Variants in WWC1 observed in about 807,000 individuals in gnomAD.
The protein encoded by WWC1 is WW and C2 domain containing 1.
In WWC1, 55 loss-of-function variants were observed where a neutral mutation model predicts 138.4. The ratio of observed to expected loss-of-function variants is 0.40; its 90% CI spans 0.32 to 0.50. The LOEUF (loss-of-function observed/expected upper bound fraction) is 0.50. Ranked by LOEUF, WWC1 falls within the 20% of genes least tolerant of loss-of-function variation. The pLI is 0.72. For synonymous variants in WWC1, 524 were observed against 564.9 expected, an observed-to-expected ratio of 0.93 and a Z score of 1.03; for missense variants, 1,226 against 1,420.4, an observed-to-expected ratio of 0.86 and a Z score of 2.20.
Position 168,399,606 on chromosome 5 carries a change from C to A in WWC1, c.590+39C>A, listed in dbSNP as rs951204721. ...GCATCCCAGAGCATGGGGGCTGCTC[C>A]CCACCCTGGTTCCCCTCCTGTCCTC... On this transcript the variant is annotated intron_variant, in intron 5 of 22. Coordinates refer to ENST00000265293, the MANE Select transcript of WWC1 (RefSeq NM_015238.3). 7 of 1,603,842 alleles carry A rather than the reference C, an allele frequency of 4.4e-6. No individual in the cohort carries two copies. In the African/African-American group the frequency reaches 8.0e-5, roughly 18 times the overall value.
chr5:168,449,605 C>T (rs1017426047), intron 17 of WWC1, among the ~76,000 whole-genome samples: 11 of 123,858 alleles, frequency 8.9e-5, no homozygotes, highest in Non-Finnish European at 1.5e-4. Flanking sequence ...GACAGTTTCA[C>T]TCTTGTTGCC....
At chr5:168,445,270 C>T (rs573905612) in intron 17 of WWC1, among the ~76,000 whole-genome samples, 1 of 152,072 alleles carries the variant, frequency 6.6e-6, no homozygotes, top group East Asian at 1.9e-4. Context: ...GCCGAGATTG[C>T]ACCACTGCAC....
intron 5 of WWC1, among the ~76,000 whole-genome samples, chr5:168,404,163 G>A (rs1266767037): frequency 6.6e-6 from 1 of 152,130 alleles, no homozygotes; most frequent in Non-Finnish European, 1.5e-5. Flanking sequence ...TTGCCCTGTT[G>A]GCAGAGGACA....
At chr5:168,417,348 ATTG>A (rs1780738634) in intron 9 of WWC1, among the ~76,000 whole-genome samples, 2 of 152,182 alleles carry the variant, frequency 1.3e-5, no homozygotes, top group Admixed American at 6.5e-5. Context: ...CTTCTGTAAA[ATTG>A]TTGGTTTCTT....
intron 2 of WWC1, among the ~76,000 whole-genome samples, chr5:168,381,255 T>G (rs540898176): frequency 6.6e-6 from 1 of 152,166 alleles, no homozygotes; most frequent in South Asian, 2.1e-4. Context: ...TCATATACCT[T>G]TATAGTTTTA....
chr5:168,353,452 G>A (rs1475167595), intron 1 of WWC1, among the ~76,000 whole-genome samples: 1 of 152,224 alleles, frequency 6.6e-6, no homozygotes, highest in Non-Finnish European at 1.5e-5. Context: ...CCTGGCATCA[G>A]CCACTCCTGG....
intron 1 of WWC1, among the ~76,000 whole-genome samples, chr5:168,313,257 C>T (rs538520840): frequency 2.0e-5 from 3 of 152,110 alleles, no homozygotes; most frequent in East Asian, 1.9e-4. Flanking sequence ...AAGTGTGGGC[C>T]GTGGACCAGC....
intron 7 of WWC1, 104 bp from the exon 8 acceptor site, chr5:168,409,818 G>A: frequency 2.5e-6 from 3 of 1,200,444 alleles, no homozygotes; most frequent in Non-Finnish European, 3.7e-6. Flanking sequence ...GCTATTCTTG[G>A]CTACTGCCCA....
At chr5:168,423,477 CAG>C in intron 10 of WWC1, 54 bp from the exon 11 acceptor site, 2 of 1,548,578 alleles carry the variant, frequency 1.3e-6, no homozygotes, top group Non-Finnish European at 1.7e-6. Flanking sequence ...CAGAAGGTCT[CAG>C]GGGGCCCACT....
chr5:168,441,886 G>A, intron 16 of WWC1, 52 bp downstream of exon 16: 1 of 1,579,554 alleles, frequency 6.3e-7, no homozygotes, highest in Non-Finnish European at 8.6e-7. Context: ...CCCGGATGTT[G>A]GAAGGGAAAG....
intron 3 of WWC1, 86 bp downstream of exon 3, chr5:168,385,500 G>T: frequency 2.2e-6 from 3 of 1,390,562 alleles, no homozygotes; most frequent in Non-Finnish European, 2.9e-6. Context: ...TCTCAAGTCT[G>T]CCCATTTCTC....
At chr5:168,467,243 G>A (rs182798759) in intron 21 of WWC1, among the ~76,000 whole-genome samples, 22 of 152,344 alleles carry the variant, frequency 1.4e-4, no homozygotes, top group Admixed American at 3.9e-4. Context: ...GGGCGACAGA[G>A]CGAGACTCCG....
Position 168,292,093 on chromosome 5 carries a change from C to T in WWC1, c.-60C>T. On this transcript the variant is annotated 5_prime_UTR_variant, in exon 1 of 23. Transcript: ENST00000265293. The surrounding 1 kb of genome is among the most constrained non-coding windows in gnomAD (Gnocchi z 4.4). ...CCGGGCTAAGAGCGGCCGGCTGGAG[C>T]CGCTGAGCCCCCGCTGCGGCCGGGA... 2.7e-6 allele frequency: 4 copies of T among 1,456,924 alleles called. No homozygotes were observed. Among genetic ancestry groups the T allele is most frequent in the Non-Finnish European group, 3.6e-6 (4 of 1,107,716 alleles). 90.2% of individuals were successfully genotyped at this position (1,456,924 alleles called of 1,614,324 possible).
chr5:168,349,682 G>A (rs1314528134), intron 1 of WWC1, among the ~76,000 whole-genome samples: 3 of 152,206 alleles, frequency 2.0e-5, no homozygotes, highest in South Asian at 4.2e-4. Context: ...TTCTTTCTCC[G>A]TCATTTGACT....
At chr5:168,337,263 C>T (rs371111569) in intron 1 of WWC1, among the ~76,000 whole-genome samples, 2 of 152,328 alleles carry the variant, frequency 1.3e-5, no homozygotes, top group East Asian at 3.9e-4. Flanking sequence ...ATACCCCACT[C>T]TCCAACTGTG....
At chr5:168,411,852 G>C (rs1780254375) in intron 8 of WWC1, 2 of 422,826 alleles carry the variant, frequency 4.7e-6, no homozygotes, top group East Asian at 3.2e-4. Context: ...CGTGTTTCCA[G>C]TGCTGGGAAA....
At chr5:168,387,769 A>C (rs1778154740) in intron 3 of WWC1, among the ~76,000 whole-genome samples, 1 of 151,978 alleles carries the variant, frequency 6.6e-6, no homozygotes, top group African/African-American at 2.4e-5. Context: ...AAATACTATC[A>C]CTTTGGGGAT....
At chr5:168,452,407 C>T (rs1174933518) in intron 17 of WWC1, among the ~76,000 whole-genome samples, 2 of 152,054 alleles carry the variant, frequency 1.3e-5, no homozygotes, top group Admixed American at 6.6e-5. Flanking sequence ...GGACCTCATA[C>T]GAGGATATTT....
In WWC1 at chr5:168,292,141, G is replaced by A. The variant is rs1769097664; in HGVS notation, c.-12G>A. The A allele has an allele frequency of 1.3e-6, 2 of 1,535,090 alleles. No individual in the cohort carries two copies. The highest frequency in any genetic ancestry group is 2.8e-5 in the African/African-American group (2 of 71,140). ...GGAGCTGCATGGGGGAGCGCCGGCA[G>A]CGCTTGGGAAGATGCCCCGGCCGGA... On this transcript the variant is annotated 5_prime_UTR_variant, in exon 1 of 23. Transcript: ENST00000265293. The surrounding 1 kb of genome is among the most constrained non-coding windows in gnomAD (Gnocchi z 4.4).
Sources: gnomAD v4.1 joint callset for allele counts (sites outside exome capture counted in the v4.1 genomes callset) on GRCh38, gnomAD v4.1.1 for gene constraint, Gnocchi (gnomAD v3.1) non-coding constraint, MANE v1.5 for transcripts, NCBI Gene and HGNC (gene_info 2026-07-23, HGNC 2026-07-21) for gene names.